The following SNRPB2 variants were observed in gnomAD, a reference collection of about 807,000 sequenced individuals.
SNRPB2 encodes the protein small nuclear ribonucleoprotein polypeptide B2, also known as U2 small nuclear ribonucleoprotein B''.
A neutral mutation model predicts 26.3 loss-of-function variants in SNRPB2; 16 were observed. The ratio of observed to expected loss-of-function variants is 0.61; its 90% CI spans 0.41 to 0.92. SNRPB2 has a LOEUF of 0.92. SNRPB2 is among the 40% of genes least tolerant of loss of function. The pLI is 0.00. For synonymous variants in SNRPB2, 75 were observed against 89.0 expected (o/e 0.84, Z 0.88); for missense variants, 179 against 268.1 (o/e 0.67, Z 2.32).
rs2072397324 is a variant in SNRPB2 at position 16,732,241 on chromosome 20, A to T, written c.142A>T (p.Met48Leu). 8.1e-6 allele frequency: 13 copies of T among 1,602,118 alleles called. No individual in the cohort carries two copies. Among genetic ancestry groups the T allele is most frequent in the Non-Finnish European group, 1.1e-5 (13 of 1,170,938 alleles). The change falls in exon 3 of 7, where the codon ATG becomes TTG. Residue 48 changes from methionine to leucine, a missense_variant. Coordinates refer to ENST00000246071, the MANE Select transcript of SNRPB2 (RefSeq NM_003092.5). ...VDIVALKTMK[M>L]RGQAFVIFKE... is the part of the protein sequence containing the mutation. Reference sequence around the variant, plus strand: ...CATTGTGGCTTTAAAGACCATGAAGATGAGGGGGCAGGCCTTTGTCATATT... The same window carrying T: ...CATTGTGGCTTTAAAGACCATGAAGTTGAGGGGGCAGGCCTTTGTCATATT...
At position 16,741,572 on chromosome 20, in the gene SNRPB2, T is replaced by A. The variant is rs1270825183; in HGVS notation, c.*567T>A. 1 of 152,240 alleles carries A rather than the reference T, an allele frequency of 6.6e-6. No homozygotes were observed. Among genetic ancestry groups the A allele is most frequent in the Admixed American group, 6.5e-5 (1 of 15,272 alleles). 9.4% of individuals were successfully genotyped at this position (152,240 alleles called of 1,614,324 possible). On this transcript the variant is annotated 3_prime_UTR_variant, in exon 7 of 7. Transcript: ENST00000246071. ...TTCATTCAGTATTAAATAAAGGCTG[T>A]TCTTACTGTTTACTGAGAAAACAGA...
At chr20:16,740,691 T>G (rs956528841) in intron 6 of SNRPB2, among the ~76,000 whole-genome samples, 155 bp from the exon 7 acceptor site, 3 of 152,238 alleles carry the variant, frequency 2.0e-5, no homozygotes, top group African/African-American at 7.2e-5. Flanking sequence ...TCCATGGTAT[T>G]AATTACACAT....
chr20:16,740,327 C>T lies in SNRPB2; in HGVS notation c.432C>T (p.Val144=), dbSNP rs1019278808. Residue 144 remains valine, a splice_region_variant and synonymous_variant, in exon 6 of 7, where the codon GTC becomes GTT. Coordinates refer to ENST00000246071, the MANE Select transcript of SNRPB2 (RefSeq NM_003092.5). ...TQGNSTPNPQ[V]PDYPPNYILF... The stretch of plus-strand genomic sequence containing the variant: ...TTTGCCTTTTTACTTTTTAATAGGT[C>T]CCTGATTACCCTCCAAACTATATTT... 6.2e-7 allele frequency: 1 copy of T among 1,610,084 alleles called. No individual in the cohort carries two copies. Among genetic ancestry groups the T allele is most frequent in the Admixed American group, 1.7e-5 (1 of 59,892 alleles).
At chr20:16,731,896 T>C in intron 2 of SNRPB2, 130 bp downstream of exon 2, 2 of 1,433,684 alleles carry the variant, frequency 1.4e-6, no homozygotes, top group Non-Finnish European at 1.9e-6. Context: ...TCCCATTTCC[T>C]ATAGGGATTT....
chr20:16,740,157 G>A (rs2423998), intron 5 of SNRPB2, among the ~76,000 whole-genome samples, 168 bp from the exon 6 acceptor site: 73,062 of 151,906 alleles, frequency 0.48, 19,506 homozygotes, highest in African/African-American at 0.73. Context: ...CAGACTTTCA[G>A]TGTCTTTACT....
rs2072398113 is a variant in SNRPB2, at chr20:16,732,294, C to T, written c.195C>T (p.Ala65=). The change falls in exon 3 of 7, where the codon GCC becomes GCT. Residue 65 remains alanine (A), a synonymous_variant. Coordinates refer to ENST00000246071, the MANE Select transcript of SNRPB2 (RefSeq NM_003092.5). ...IFKELGSSTN[A]LRQLQGFPFY... ...AGGAACTGGGCTCATCCACAAATGC[C>T]TTGAGACAGCTACAAGGATTTCCAT... The T allele has an allele frequency of 6.3e-7, 1 of 1,598,732 alleles. No homozygotes were observed. The highest frequency in any genetic ancestry group is 8.5e-7 in the Non-Finnish European group (1 of 1,173,362).
chr20:16,732,544 G>C (rs2072399862), intron 3 of SNRPB2: 1 of 370,950 alleles, frequency 2.7e-6, no homozygotes, highest in South Asian at 9.4e-5. Context: ...TTGAGATGTA[G>C]AATATTTTAA....
chr20:16,737,857 A>G (rs2072437124), intron 4 of SNRPB2, among the ~76,000 whole-genome samples: 1 of 151,808 alleles, frequency 6.6e-6, no homozygotes, highest in African/African-American at 2.4e-5. Flanking sequence ...TAACACGGTG[A>G]AACCCCGTCT....
chr20:16,732,151 C>T lies in SNRPB2; in HGVS notation c.65-13C>T. On this transcript the variant is annotated splice_polypyrimidine_tract_variant and intron_variant, in intron 2 of 6. Coordinates refer to ENST00000246071, the MANE Select transcript of SNRPB2 (RefSeq NM_003092.5). ...TTATTACCAATAACTTGTTTCTTTT[C>T]TAATTTGGACAGAATTGAAGAGATC... 6.6e-7 allele frequency: 1 copy of T among 1,525,324 alleles called. No individual in the cohort carries two copies. The highest frequency in any genetic ancestry group is 8.9e-7 in the Non-Finnish European group (1 of 1,127,324). The allele number at this position is 1,525,324 out of a possible 1,614,324, so 94.5% of individuals were successfully genotyped here. A position where few individuals can be genotyped will look rare whatever the true frequency, so the allele number is the denominator to read the frequency against.
intron 3 of SNRPB2, among the ~76,000 whole-genome samples, chr20:16,736,798 G>T (rs1373770300): frequency 6.6e-6 from 1 of 152,116 alleles, no homozygotes; most frequent in Non-Finnish European, 1.5e-5. Flanking sequence ...GAGCAGTTTT[G>T]CTTTTGTTTG....
chr20:16,732,396 G>T, intron 3 of SNRPB2, 60 bp downstream of exon 3: 1 of 883,802 alleles, frequency 1.1e-6, no homozygotes. Context: ...TGGGACAGTA[G>T]ATTTGTAAAT....
rs77890982 is a variant in SNRPB2 at position 16,730,922 on chromosome 20, A to C, written c.-35-746A>C. ...TTACCTGGTAATAGCTGTTAATAAT[A>C]GCTACTCTTAAGTGTTTACCGCTGA... On this transcript the variant is annotated intron_variant, in intron 1 of 6. Transcript: ENST00000246071. The C allele has an allele frequency of 3.1e-3, 431 of 138,756 alleles. 1 individual carries two copies. Among genetic ancestry groups the C allele is most frequent in the East Asian group, 0.02 (88 of 4,382 alleles). The allele number at this position is 138,756 out of a possible 1,614,324, so 8.6% of individuals were successfully genotyped here.
Position 16,741,128 on chromosome 20 carries a change from AC to A in SNRPB2, c.*124del, listed in dbSNP as rs1439654576. On this transcript the variant is annotated 3_prime_UTR_variant, in exon 7 of 7. Transcript: ENST00000246071. ...AGTAAAAGTGAAATTTTTGTGAAGG[AC>A]TTAAATTATCCAGTGTTTCTTTAGC... is the stretch of plus-strand genomic sequence containing the variant. 1 of 614,596 alleles carries A rather than the reference AC, an allele frequency of 1.6e-6. No individual in the cohort carries two copies. Among genetic ancestry groups the A allele is most frequent in the Non-Finnish European group, 2.7e-6 (1 of 366,202 alleles). The allele number at this position is 614,596 out of a possible 1,614,324, so 38.1% of individuals were successfully genotyped here.
intron 1 of SNRPB2, chr20:16,730,974 G>A (rs2072386086): frequency 6.6e-6 from 1 of 152,284 alleles, no homozygotes; most frequent in African/African-American, 2.4e-5. Context: ...AATTCATTTA[G>A]TCTTCTGAGT....
intron 6 of SNRPB2, 104 bp downstream of exon 6, chr20:16,740,517 G>T: frequency 6.6e-7 from 1 of 1,504,466 alleles, no homozygotes; most frequent in East Asian, 2.3e-5. Context: ...ATTCCTTACA[G>T]GTTCATTGAT....
At chr20:16,734,414 G>A (rs1274771584) in intron 3 of SNRPB2, among the ~76,000 whole-genome samples, 2 of 152,158 alleles carry the variant, frequency 1.3e-5, no homozygotes, top group African/African-American at 4.8e-5. Flanking sequence ...TTGGAACTCA[G>A]AACAGAATTA....
Position 16,741,983 on chromosome 20 carries a change from T to A in SNRPB2, c.*978T>A, listed in dbSNP as rs964467357. 1 of 152,234 alleles carries A rather than the reference T, an allele frequency of 6.6e-6. No homozygotes were observed. The highest frequency in any genetic ancestry group is 6.5e-5 in the Admixed American group (1 of 15,284). 9.4% of individuals were successfully genotyped at this position (152,234 alleles called of 1,614,324 possible). A position where few individuals can be genotyped will look rare whatever the true frequency, so the allele number is the denominator to read the frequency against. ...CAAAAAAGAAAACAGTACTTATTTTTCTGGTGTTCCTGTTTTAGTATTCCT... is the reference window on the plus strand; with the variant it reads ...CAAAAAAGAAAACAGTACTTATTTTACTGGTGTTCCTGTTTTAGTATTCCT... On this transcript the variant is annotated 3_prime_UTR_variant, in exon 7 of 7. Coordinates refer to ENST00000246071, the MANE Select transcript of SNRPB2 (RefSeq NM_003092.5).
chr20:16,740,950 A>G lies in SNRPB2; in HGVS notation c.623A>G (p.Gln208Arg). The part of the protein sequence containing the change: ...GQAGAARDAL[Q>R]GFKITPSHAM... The stretch of plus-strand genomic sequence containing the variant: ...GCTGGAGCTGCCAGGGATGCTTTAC[A>G]GGGATTTAAGATCACACCGTCCCAT... Residue 208 changes from glutamine to arginine, a missense_variant, in exon 7 of 7, where the codon CAG (glutamine) becomes CGG (arginine). Gln to Arg is a conservative substitution (Grantham distance 43, BLOSUM62 1). Around this residue, in one of 2 missense-constraint regions of SNRPB2, gnomAD observed 34 missense variants for 87.4 expected, o/e 0.39. Coordinates refer to ENST00000246071, the MANE Select transcript of SNRPB2 (RefSeq NM_003092.5). 1 of 1,613,014 alleles carries G rather than the reference A, an allele frequency of 6.2e-7. No individual in the cohort carries two copies. Among genetic ancestry groups the G allele is most frequent in the Admixed American group, 1.7e-5 (1 of 60,008 alleles).
intron 5 of SNRPB2, 77 bp downstream of exon 5, chr20:16,738,979 T>C (rs940987018): frequency 7.4e-6 from 7 of 950,636 alleles, no homozygotes; most frequent in East Asian, 7.3e-5. Flanking sequence ...ACAATTTCCA[T>C]GTCTCCAAAA....
Sources: allele counts gnomAD v4.1 joint callset (sites outside exome capture counted in the v4.1 genomes callset), GRCh38; gene constraint gnomAD v4.1.1; regional missense constraint gnomAD v4.1.1; transcripts MANE v1.5; gene names NCBI Gene and HGNC (gene_info 2026-07-23, HGNC 2026-07-21).